The following CHCHD10 variants were observed in gnomAD, a reference collection of about 807,000 sequenced individuals.
CHCHD10 encodes coiled-coil-helix-coiled-coil-helix domain containing 10.
Under a neutral mutation model 14.8 loss-of-function variants are expected in CHCHD10, and 10 were observed. That is an observed-to-expected ratio of 0.67 (90% CI 0.42 to 1.14). The LOEUF (loss-of-function observed/expected upper bound fraction) is 1.14, where lower values mean the gene tolerates loss of function less well. Ranked by LOEUF, CHCHD10 falls within the 50% of genes most tolerant of loss-of-function variation. The probability of loss-of-function intolerance (pLI) is 0.00; values close to 1 mark genes in which losing one functional copy is unlikely to be tolerated. For missense variants in CHCHD10, 203 were observed against 196.9 expected (o/e 1.03, Z -0.19); for synonymous variants, 90 against 85.2 (o/e 1.06, Z -0.31).
intron 2 of CHCHD10, among the ~76,000 whole-genome samples, chr22:23,766,872 C>T (rs1926871217): frequency 6.6e-6 from 1 of 152,224 alleles, no homozygotes; most frequent in Non-Finnish European, 1.5e-5. Flanking sequence ...AGTTCTAGCA[C>T]CTTCCTGGCT....
chr22:23,767,420 G>A lies in CHCHD10; in HGVS notation c.215C>T (p.Ala72Val), dbSNP rs766054125. The A allele has an allele frequency of 4.4e-6, 7 of 1,607,274 alleles. No homozygotes were observed. The highest frequency in any genetic ancestry group is 5.9e-6 in the Non-Finnish European group (7 of 1,178,556). The change falls in exon 2 of 4, where the codon GCC (alanine) becomes GTC (valine). Residue 72 changes from alanine (A) to valine (V), a missense_variant. Transcript: ENST00000484558. The stretch of plus-strand genomic sequence containing the variant: ...GGGCTCCGAGCTCCCCCCGCTGAAG[G>A]CTCCGGTCAGGGCGCTGCCCATGAC... ...GHVMGSALTG[A>V]FSGGSSEPSQ...
rs564401200 is a variant in CHCHD10 at position 23,766,684 on chromosome 22, A to C, written c.262-409T>G. Among the ~76,000 whole-genome samples, 8 of 151,612 alleles carry C rather than the reference A, an allele frequency of 5.3e-5. No individual in the cohort carries two copies. In the East Asian group the frequency reaches 1.6e-3, roughly 30 times the overall value. ...GGCCAGGCTGGTATCGAACTCCTGAACTCATGATCCACCCGCCTTGGCCTC... is the reference window on the plus strand; with the variant it reads ...GGCCAGGCTGGTATCGAACTCCTGACCTCATGATCCACCCGCCTTGGCCTC... On this transcript the variant is annotated intron_variant, in intron 2 of 3. Transcript: ENST00000484558.
At chr22:23,766,347 G>C (rs1926820072) in intron 2 of CHCHD10, 72 bp from the exon 3 acceptor site, 1 of 1,383,130 alleles carries the variant, frequency 7.2e-7, no homozygotes, top group Admixed American at 2.2e-5. Flanking sequence ...CAAACCTGGG[G>C]CCACCTGCCC....
In CHCHD10 at chr22:23,766,111, G is replaced by C. The variant is rs757795476; in HGVS notation, c.409+17C>G. 4 of 1,613,370 alleles carry C rather than the reference G, an allele frequency of 2.5e-6. No homozygotes were observed. Among genetic ancestry groups the C allele is most frequent in the Non-Finnish European group, 3.4e-6 (4 of 1,179,666 alleles). ...GCCTCTCCCCCTCCCCGCCTGAGTC[G>C]GGGTCCACTCACTCACCATGGTAGT... On this transcript the variant is annotated intron_variant, in intron 3 of 3. Coordinates refer to ENST00000484558, the MANE Select transcript of CHCHD10 (RefSeq NM_213720.3).
intron 2 of CHCHD10, among the ~76,000 whole-genome samples, chr22:23,766,789 G>A (rs563647060): frequency 8.7e-4 from 132 of 152,244 alleles, no homozygotes; most frequent in African/African-American, 2.8e-3. Context: ...GCGGGTGCAG[G>A]AGAGGGAGGA....
Position 23,767,880 on chromosome 22 carries a change from C to T in CHCHD10, c.-6G>A. 11 of 1,507,312 alleles carry T rather than the reference C, an allele frequency of 7.3e-6. No homozygotes were observed. In the African/African-American group the frequency reaches 8.7e-5, roughly 12 times the overall value. The allele number at this position is 1,507,312 out of a possible 1,614,324, so 93.4% of individuals were successfully genotyped here. ...CTGCGGCTTCCCCGAGGCATGGTGG[C>T]GGCGGTGGGACCCGGGCGACCTTAG... On this transcript the variant is annotated 5_prime_UTR_variant, in exon 1 of 4. Coordinates refer to ENST00000484558, the MANE Select transcript of CHCHD10 (RefSeq NM_213720.3).
chr22:23,766,450 C>CT, intron 2 of CHCHD10, 175 bp from the exon 3 acceptor site: 3 of 511,822 alleles, frequency 5.9e-6, no homozygotes, highest in South Asian at 2.5e-5. Flanking sequence ...GTTTCTGCTG[C>CT]CTTTTTTTTT....
At chr22:23,766,336 T>A in intron 2 of CHCHD10, 61 bp from the exon 3 acceptor site, 1 of 1,467,962 alleles carries the variant, frequency 6.8e-7, no homozygotes, top group Non-Finnish European at 9.1e-7. Flanking sequence ...GAGGTGCGTT[T>A]CAAACCTGGG....
Position 23,767,821 on chromosome 22 carries a change from G to A in CHCHD10, c.41+13C>T. ...CTAACCCCCTCCCCACAGGGCCCTT[G>A]TCCCCCTCACACCTGGCTGGCCGGG... On this transcript the variant is annotated intron_variant, in intron 1 of 3. Coordinates refer to ENST00000484558, the MANE Select transcript of CHCHD10 (RefSeq NM_213720.3). 6.5e-7 allele frequency: 1 copy of A among 1,546,120 alleles called. No individual in the cohort carries two copies. Among genetic ancestry groups the A allele is most frequent in the South Asian group, 1.2e-5 (1 of 84,312 alleles).
rs926577909 is a variant in CHCHD10, at chr22:23,765,865, T to C, written c.*142A>G. ...CTAAAATAAACTTTTAATTGCACAT[T>C]TGTGTCTTGGGTTATCTGTGGGGTG... On this transcript the variant is annotated 3_prime_UTR_variant, in exon 4 of 4. Coordinates refer to ENST00000484558, the MANE Select transcript of CHCHD10 (RefSeq NM_213720.3). The C allele has an allele frequency of 7.1e-6, 11 of 1,542,034 alleles. No homozygotes were observed. The highest frequency in any genetic ancestry group is 1.9e-5 in the Admixed American group (1 of 53,330).
In CHCHD10 at chr22:23,767,968, A is replaced by G; in HGVS notation, c.-94T>C. On this transcript the variant is annotated 5_prime_UTR_variant, in exon 1 of 4. Coordinates refer to ENST00000484558, the MANE Select transcript of CHCHD10 (RefSeq NM_213720.3). ...GCAGCGCTTGTCACAGCCGGCGCAA[A>G]AAAGGCGGGGCCCCGGGCGGGGCCT... 8.9e-7 allele frequency: 1 copy of G among 1,128,202 alleles called. No individual in the cohort carries two copies. The highest frequency in any genetic ancestry group is 1.2e-6 in the Non-Finnish European group (1 of 841,870). The allele number at this position is 1,128,202 out of a possible 1,614,324, so 69.9% of individuals were successfully genotyped here. A position where few individuals can be genotyped will look rare whatever the true frequency, so the allele number is the denominator to read the frequency against.
chr22:23,766,600 C>T, intron 2 of CHCHD10: 1 of 299,416 alleles, frequency 3.3e-6, no homozygotes, highest in Non-Finnish European at 6.2e-6. Flanking sequence ...CTACAGGCGC[C>T]CGCCACCATG....
intron 2 of CHCHD10, among the ~76,000 whole-genome samples, 192 bp downstream of exon 2, chr22:23,767,182 A>G (rs1926899648): frequency 6.6e-6 from 1 of 152,172 alleles, no homozygotes; most frequent in Non-Finnish European, 1.5e-5. Context: ...CCCTGGCCTC[A>G]AGGGAGAGGC....
At chr22:23,766,999 G>C (rs985309669) in intron 2 of CHCHD10, among the ~76,000 whole-genome samples, 31 of 152,192 alleles carry the variant, frequency 2.0e-4, no homozygotes, top group African/African-American at 7.0e-4. Context: ...TCGCCCTTGC[G>C]CCCAGCGGCC....
chr22:23,767,812 A>T, intron 1 of CHCHD10, 22 bp downstream of exon 1: 1 of 1,543,860 alleles, frequency 6.5e-7, no homozygotes, highest in South Asian at 1.2e-5. Flanking sequence ...CCCTCCCCAC[A>T]GGGCCCTTGT....
rs138183274 is a variant in CHCHD10, at chr22:23,766,207, C to T, written c.330G>A (p.Leu110=). 3.8e-4 allele frequency: 618 copies of T among 1,608,486 alleles called. 2 individuals are homozygous for T. The African/African-American group carries it at 7.6e-3, about 20-fold the overall frequency. ...GGTCACTCTGAGTGGTGGAACAGTC[C>T]AGGAACTGCCTGATCTCGTAGGCGC... ...GPCAYEIRQF[L]DCSTTQSDLS... is the part of the protein sequence containing the mutation. The change falls in exon 3 of 4, where the codon CTG becomes CTA. Residue 110 remains leucine (L), a synonymous_variant. Transcript: ENST00000484558.
At chr22:23,766,570 G>T in intron 2 of CHCHD10, 1 of 333,586 alleles carries the variant, frequency 3.0e-6, no homozygotes, top group South Asian at 4.6e-5. Flanking sequence ...GTCCTGCCTT[G>T]GCCTCCCAAG....
At chr22:23,766,534 C>T (rs1006299590) in intron 2 of CHCHD10, 3 of 401,868 alleles carry the variant, frequency 7.5e-6, no homozygotes, top group African/African-American at 6.3e-5. Flanking sequence ...CTCACTGCAA[C>T]CTCCGCCTCC....
In CHCHD10 at chr22:23,765,995, G is replaced by T; in HGVS notation, c.*12C>A. On this transcript the variant is annotated 3_prime_UTR_variant, in exon 4 of 4. Coordinates refer to ENST00000484558, the MANE Select transcript of CHCHD10 (RefSeq NM_213720.3). ...GGGTGCAGGACTGGCCCCCGAGTCT[G>T]CACCGACCTCTTCAGGGCAGGGAGC... is the stretch of plus-strand genomic sequence containing the variant. 1 of 1,613,314 alleles carries T rather than the reference G, an allele frequency of 6.2e-7. No individual in the cohort carries two copies. Among genetic ancestry groups the T allele is most frequent in the Non-Finnish European group, 8.5e-7 (1 of 1,179,814 alleles).
Sources: gnomAD v4.1 joint callset for allele counts (sites outside exome capture counted in the v4.1 genomes callset) on GRCh38, gnomAD v4.1.1 for gene constraint, MANE v1.5 for transcripts, NCBI Gene and HGNC (gene_info 2026-07-23, HGNC 2026-07-21) for gene names.